Variants in SSBP3 observed in about 807,000 individuals in gnomAD.
SSBP3 encodes single-stranded DNA-binding protein 3.
SSBP3 carries 5 observed loss-of-function variants against 69.6 expected under a neutral mutation model. The ratio of observed to expected loss-of-function variants is 0.07; its 90% confidence interval spans 0.04 to 0.15. The LOEUF is 0.15. SSBP3 is among the 10% of genes least tolerant of loss of function. SSBP3 has a pLI of 1.00. For synonymous variants in SSBP3, 196 were observed against 193.4 expected (o/e 1.01, Z -0.11); for missense variants, 312 against 534.0 (o/e 0.58, Z 4.10).
At chr1:54,308,415 C>G (rs1423393451) in intron 4 of SSBP3, among the ~76,000 whole-genome samples, 1 of 152,074 alleles carries the variant, frequency 6.6e-6, no homozygotes, top group Non-Finnish European at 1.5e-5. Flanking sequence ...TCCTGGCTAA[C>G]ATGGTGAAAC....
chr1:54,282,071 T>TAATAATAATAATAATAAA (rs984653416), intron 4 of SSBP3, among the ~76,000 whole-genome samples: 15 of 150,656 alleles, frequency 1.0e-4, no homozygotes, highest in Admixed American at 6.6e-4. Context: ...ATAATAATAA[T>TAATAATAATAATAATAAA]AAAAAAATGG....
At chr1:54,364,796 G>A (rs1647003756) in intron 4 of SSBP3, among the ~76,000 whole-genome samples, 1 of 152,162 alleles carries the variant, frequency 6.6e-6, no homozygotes, top group African/African-American at 2.4e-5. Flanking sequence ...CAGCAATGAT[G>A]GTGAACTTGG....
chr1:54,332,946 G>A lies in SSBP3; in HGVS notation c.277-51419C>T, dbSNP rs188271265. On this transcript the variant is annotated intron_variant, in intron 4 of 17. Transcript: ENST00000610401. The stretch of plus-strand genomic sequence containing the variant: ...CACACACGCGCGAGCACACACACAC[G>A]CGTGCGCCTCCTCCCACGCAGCATT... Among the ~76,000 whole-genome samples, 643 of 152,196 alleles carry A rather than the reference G, an allele frequency of 4.2e-3. 4 individuals carry two copies. Among genetic ancestry groups the A allele is most frequent in the African/African-American group, 0.015 (607 of 41,500 alleles).
At chr1:54,383,510 C>T (rs1342824602) in intron 4 of SSBP3, among the ~76,000 whole-genome samples, 1 of 152,290 alleles carries the variant, frequency 6.6e-6, no homozygotes, top group Non-Finnish European at 1.5e-5. Flanking sequence ...GACCACAGCT[C>T]CAAGCCCTAA....
At chr1:54,397,493 G>A (rs979372138) in intron 4 of SSBP3, among the ~76,000 whole-genome samples, 19 of 152,190 alleles carry the variant, frequency 1.2e-4, no homozygotes, top group Non-Finnish European at 2.4e-4. Context: ...TCAAGGCAAA[G>A]TCTCCCCTCT....
At chr1:54,341,040 C>T (rs911941006) in intron 4 of SSBP3, among the ~76,000 whole-genome samples, 4 of 152,214 alleles carry the variant, frequency 2.6e-5, no homozygotes, top group South Asian at 2.1e-4. Context: ...CTCTGTAAAT[C>T]GGTGCTGCCA....
At chr1:54,398,028 C>T (rs572109253) in intron 4 of SSBP3, among the ~76,000 whole-genome samples, 1 of 152,270 alleles carries the variant, frequency 6.6e-6, no homozygotes, top group South Asian at 2.1e-4. Flanking sequence ...AGGTCAACTG[C>T]AAATACCTCC....
intron 5 of SSBP3, among the ~76,000 whole-genome samples, chr1:54,262,762 C>T (rs553483819): frequency 1.1e-3 from 171 of 152,286 alleles, no homozygotes; most frequent in African/African-American, 4.0e-3. Flanking sequence ...GGTCCACTGA[C>T]GGGTCAGAGC....
At chr1:54,316,466 C>T (rs1438815478) in intron 4 of SSBP3, among the ~76,000 whole-genome samples, 3 of 146,384 alleles carry the variant, frequency 2.0e-5, no homozygotes, top group Admixed American at 6.8e-5. Context: ...GGTGAAACCC[C>T]GTCTCTACTA....
At chr1:54,356,972 AC>A (rs1646878776) in intron 4 of SSBP3, among the ~76,000 whole-genome samples, 1 of 152,158 alleles carries the variant, frequency 6.6e-6, no homozygotes, top group African/African-American at 2.4e-5. Flanking sequence ...ACACAGTCTC[AC>A]CGCTGGGGGT....
chr1:54,310,961 G>A (rs185583606), intron 4 of SSBP3, among the ~76,000 whole-genome samples: 63 of 152,306 alleles, frequency 4.1e-4, no homozygotes, highest in African/African-American at 1.3e-3. Flanking sequence ...CACCTGGAAG[G>A]ACCGCAGGTC....
chr1:54,285,459 G>A (rs1326471462), intron 4 of SSBP3: 5 of 152,036 alleles, frequency 3.3e-5, no homozygotes, highest in Admixed American at 6.6e-5. Flanking sequence ...TACAGCAGGT[G>A]TATTAGCAGG....
In SSBP3 at chr1:54,294,161, AAGAAAG is replaced by A. The variant is rs566563648; in HGVS notation, c.277-12640_277-12635del. ...CCATCTCAAAAAAAAAAAAAAAAAA[AAGAAAG>A]AAAGAAAGAAAGAAAGAAAGAAAGA... On this transcript the variant is annotated intron_variant, in intron 4 of 17. Coordinates refer to ENST00000610401, the Ensembl canonical transcript of SSBP3. Among the ~76,000 whole-genome samples the A allele has an allele frequency of 6.6e-3, 466 of 70,398 alleles. 10 individuals carry two copies. The highest frequency in any genetic ancestry group is 0.011 in the Non-Finnish European group (387 of 36,618). The allele number at this position is 70,398 out of a possible 152,430, so 46.2% of individuals were successfully genotyped here.
At chr1:54,262,086 G>T (rs1381130330) in intron 5 of SSBP3, among the ~76,000 whole-genome samples, 2 of 152,172 alleles carry the variant, frequency 1.3e-5, no homozygotes, top group African/African-American at 2.4e-5. Context: ...AATAGGGTTT[G>T]GAAGGAACTG....
chr1:54,410,488 G>A (rs1230018387), upstream of SSBP3, among the ~76,000 whole-genome samples: 19 of 152,150 alleles, frequency 1.2e-4, no homozygotes, highest in Non-Finnish European at 1.5e-5. Context: ...GCAAGCTCCC[G>A]CTGGGGGCTG....
intron 4 of SSBP3, among the ~76,000 whole-genome samples, chr1:54,312,192 G>A (rs528249318): frequency 1.3e-5 from 2 of 152,254 alleles, no homozygotes; most frequent in South Asian, 4.1e-4. Flanking sequence ...TGCTTTGGGA[G>A]GCGGGGGATC....
rs1230004055 is a variant in SSBP3, at chr1:54,241,021, G to A, written c.802-62C>T. ...GTGGTAACGAACATGGGGAGGGGCCGGCATCCTCCCTCCCTGGTCAGCAGC... is the reference window on the plus strand; with the variant it reads ...GTGGTAACGAACATGGGGAGGGGCCAGCATCCTCCCTCCCTGGTCAGCAGC... On this transcript the variant is annotated intron_variant, in intron 12 of 17. Coordinates refer to ENST00000610401, the Ensembl canonical transcript of SSBP3. The A allele has an allele frequency of 1.5e-5, 23 of 1,531,008 alleles. 1 individual carries two copies. Among genetic ancestry groups the A allele is most frequent in the Admixed American group, 7.5e-5 (4 of 53,564 alleles). 94.8% of individuals were successfully genotyped at this position (1,531,008 alleles called of 1,614,324 possible).
At chr1:54,389,125 GT>G (rs1245638760) in intron 4 of SSBP3, among the ~76,000 whole-genome samples, 1 of 152,130 alleles carries the variant, frequency 6.6e-6, no homozygotes, top group Non-Finnish European at 1.5e-5. Context: ...TACCAACCTG[GT>G]GTGCTCACGT....
chr1:54,404,678 C>T (rs748008663), intron 2 of SSBP3, 41 bp from the exon 3 acceptor site: 3 of 1,611,730 alleles, frequency 1.9e-6, no homozygotes, highest in African/African-American at 1.3e-5. Flanking sequence ...GGAGCAGAGA[C>T]GGGGTGGGCT....
Sources: allele counts gnomAD v4.1 joint callset (sites outside exome capture counted in the v4.1 genomes callset), GRCh38; gene constraint gnomAD v4.1.1; transcripts MANE v1.5; gene names NCBI Gene and HGNC (gene_info 2026-07-23, HGNC 2026-07-21).